CSMD1: variants seen among roughly 807,000 people sequenced by gnomAD.
CSMD1 encodes CUB and Sushi multiple domains 1.
In CSMD1, 213 loss-of-function variants were observed where a neutral mutation model predicts 417.5. The observed-to-expected ratio is 0.51, with a 90% CI of 0.46 to 0.57. The LOEUF is 0.57. Among genes scored for constraint, CSMD1 ranks in the 20% least tolerant of loss-of-function variants. The pLI is 0.00. For synonymous variants in CSMD1, 2,862 were observed against 1,736.8 expected, an observed-to-expected ratio of 1.65 and a Z score of -16.11; for missense variants, 6,923 against 4,529.7, an observed-to-expected ratio of 1.53 and a Z score of -15.17.
At chr8:3,463,797 T>C (rs985536722) in intron 12 of CSMD1, among the ~76,000 whole-genome samples, 1 of 152,162 alleles carries the variant, frequency 6.6e-6, no homozygotes, top group Non-Finnish European at 1.5e-5. Flanking sequence ...GTCTCAAAAG[T>C]TCCGTCTGCC....
At position 3,369,348 on chromosome 8, in the gene CSMD1, T is replaced by A; in HGVS notation, c.2805A>T (p.Gln935His). 1 of 1,587,950 alleles carries A rather than the reference T, an allele frequency of 6.3e-7. No individual in the cohort carries two copies. Among genetic ancestry groups the A allele is most frequent in the Non-Finnish European group, 8.6e-7 (1 of 1,156,952 alleles). ...GAGAAAGGACTGTTCCACTCTTCCC[T>A]TGGATGTAGCCTCCACATAGAGCTT... The part of the protein sequence containing the change: ...SCDALCGGYI[Q>H]GKSGTVLSPG... Residue 935 changes from glutamine to histidine, a missense_variant, in exon 19 of 70, where the codon CAA (glutamine) becomes CAT (histidine). Coordinates refer to ENST00000635120, the MANE Select transcript of CSMD1 (RefSeq NM_033225.6).
At chr8:4,057,425 G>A (rs1031957702) in intron 3 of CSMD1, among the ~76,000 whole-genome samples, 1 of 152,092 alleles carries the variant, frequency 6.6e-6, no homozygotes, top group African/African-American at 2.4e-5. Context: ...TGTAGATTCT[G>A]GATGTTAGCC....
chr8:4,804,194 C>A (rs1177786301), intron 1 of CSMD1, among the ~76,000 whole-genome samples: 3 of 151,972 alleles, frequency 2.0e-5, no homozygotes, highest in Non-Finnish European at 4.4e-5. Flanking sequence ...AATTAATTTT[C>A]AGGAAATTTA....
At chr8:4,839,042 T>G (rs1290638174) in intron 1 of CSMD1, among the ~76,000 whole-genome samples, 3 of 152,146 alleles carry the variant, frequency 2.0e-5, no homozygotes, top group Admixed American at 2.0e-4. Context: ...CTTTTTGGAA[T>G]TGGTTTTTTG....
chr8:3,888,289 T>G (rs1338766426), intron 5 of CSMD1, among the ~76,000 whole-genome samples: 1 of 152,278 alleles, frequency 6.6e-6, no homozygotes, highest in East Asian at 1.9e-4. Context: ...CTTGTTAACA[T>G]AAGCTTGACA....
chr8:3,946,409 C>A (rs989319172), intron 5 of CSMD1, among the ~76,000 whole-genome samples: 2 of 152,122 alleles, frequency 1.3e-5, no homozygotes, highest in South Asian at 2.1e-4. Flanking sequence ...ATTGAGCAAT[C>A]CCGCATCACC....
intron 1 of CSMD1, among the ~76,000 whole-genome samples, chr8:4,843,946 G>A (rs1007451036): frequency 6.6e-6 from 1 of 152,176 alleles, no homozygotes; most frequent in African/African-American, 2.4e-5. Flanking sequence ...GATAGAGAAA[G>A]CTGTAACGGA....
chr8:4,905,097 G>A (rs1410985480), intron 1 of CSMD1, among the ~76,000 whole-genome samples: 1 of 152,066 alleles, frequency 6.6e-6, no homozygotes, highest in Non-Finnish European at 1.5e-5. Flanking sequence ...TCCCTGTGGT[G>A]TATTTTTAGT....
intron 5 of CSMD1, among the ~76,000 whole-genome samples, chr8:3,809,302 C>T (rs1402978951): frequency 6.6e-6 from 1 of 152,178 alleles, no homozygotes; most frequent in Non-Finnish European, 1.5e-5. Flanking sequence ...ATGCACCTTT[C>T]ATTGAAAGTT....
At chr8:3,172,653 G>C (rs1010983456) in intron 37 of CSMD1, among the ~76,000 whole-genome samples, 3 of 152,164 alleles carry the variant, frequency 2.0e-5, no homozygotes, top group African/African-American at 7.2e-5. Flanking sequence ...GACACTTAAG[G>C]GGGGCAGAGA....
At chr8:4,834,310 A>T (rs1800329095) in intron 1 of CSMD1, among the ~76,000 whole-genome samples, 1 of 152,190 alleles carries the variant, frequency 6.6e-6, no homozygotes, top group Non-Finnish European at 1.5e-5. Context: ...ACATACTGGG[A>T]ACAGAAAAAC....
chr8:3,886,028 T>C (rs1031886738), intron 5 of CSMD1, among the ~76,000 whole-genome samples: 1 of 151,788 alleles, frequency 6.6e-6, no homozygotes, highest in Non-Finnish European at 1.5e-5. Flanking sequence ...TATATATACA[T>C]ACATATATAT....
Position 3,108,721 on chromosome 8 carries a change from C to T in CSMD1, c.6636G>A (p.Gln2212=), listed in dbSNP as rs558670508. 1 of 1,613,442 alleles carries T rather than the reference C, an allele frequency of 6.2e-7. No individual in the cohort carries two copies. ...VWDGPDQNSP[Q]LGVFSGNTAL... is the part of the protein sequence containing the mutation. ...CTGTGTTGCCACTGAAAACTCCCAG[C>T]TGGGGTGAGTTCTGATCGGGACCGT... is the stretch of plus-strand genomic sequence containing the variant. Residue 2212 remains glutamine, a synonymous_variant, in exon 44 of 70, where the codon CAG becomes CAA. Coordinates refer to ENST00000635120, the MANE Select transcript of CSMD1 (RefSeq NM_033225.6).
chr8:3,027,185 G>C (rs896104299), intron 51 of CSMD1, among the ~76,000 whole-genome samples: 3 of 151,958 alleles, frequency 2.0e-5, no homozygotes, highest in African/African-American at 4.8e-5. Context: ...AGGCCTTTTG[G>C]GGGGAAAAAA....
intron 3 of CSMD1, among the ~76,000 whole-genome samples, chr8:4,083,572 C>T (rs955410131): frequency 6.6e-6 from 1 of 151,990 alleles, no homozygotes; most frequent in Non-Finnish European, 1.5e-5. Flanking sequence ...ACAAACCTGA[C>T]AAAAAGAAGA....
intron 52 of CSMD1, among the ~76,000 whole-genome samples, chr8:3,004,178 T>G (rs1163508853): frequency 6.6e-6 from 1 of 152,168 alleles, no homozygotes; most frequent in East Asian, 1.9e-4. Flanking sequence ...CTGAAATTCC[T>G]CAGTGGACCT....
intron 1 of CSMD1, among the ~76,000 whole-genome samples, chr8:4,826,935 C>G (rs932203991): frequency 6.6e-6 from 1 of 152,144 alleles, no homozygotes; most frequent in Non-Finnish European, 1.5e-5. Context: ...CAGCTTACTA[C>G]TCACCCTTGA....
intron 20 of CSMD1, among the ~76,000 whole-genome samples, chr8:3,361,518 GGT>G (rs1809167948): frequency 6.6e-6 from 1 of 151,608 alleles, no homozygotes; most frequent in African/African-American, 2.4e-5. Context: ...TGGGCATGGT[GGT>G]GCATGCCTGT....
intron 50 of CSMD1, among the ~76,000 whole-genome samples, chr8:3,042,488 C>G (rs1309396935): frequency 2.0e-5 from 3 of 152,034 alleles, no homozygotes; most frequent in African/African-American, 7.3e-5. Context: ...GGGGATGGGA[C>G]CTTTGTTTGA....
Sources: allele counts gnomAD v4.1 joint callset (sites outside exome capture counted in the v4.1 genomes callset), GRCh38; gene constraint gnomAD v4.1.1; transcripts MANE v1.5; gene names NCBI Gene and HGNC (gene_info 2026-07-23, HGNC 2026-07-21).